A4GALT: variants seen among roughly 807,000 people sequenced by gnomAD.
A4GALT encodes the protein lactosylceramide 4-alpha-galactosyltransferase.
For missense variants in A4GALT, 512 were observed against 486.0 expected, an observed-to-expected ratio of 1.05 and a Z score of -0.50; for synonymous variants, 257 against 220.7, an observed-to-expected ratio of 1.16 and a Z score of -1.46.
chr22:42,708,545 A>AAGGAAGGAAGGAAGGAAG (rs1555887808), intron 1 of A4GALT, among the ~76,000 whole-genome samples: 4 of 116,498 alleles, frequency 3.4e-5, no homozygotes, highest in African/African-American at 1.3e-4. Context: ...GAGGAAAGAG[A>AAGGAAGGAAGGAAGGAAG]GAAGGAAGGA....
intron 1 of A4GALT, among the ~76,000 whole-genome samples, chr22:42,714,018 A>G (rs1305618249): frequency 3.3e-5 from 5 of 151,008 alleles, no homozygotes; most frequent in Non-Finnish European, 7.4e-5. Flanking sequence ...GAGGCCAGGC[A>G]CAGTGGCGCA....
rs28915389 is a variant in A4GALT, at chr22:42,692,397, G to A, written c.*493C>T. On this transcript the variant is annotated 3_prime_UTR_variant, in exon 3 of 3. Coordinates refer to ENST00000642412, the MANE Select transcript of A4GALT (RefSeq NM_017436.7). The surrounding 1 kb of genome is among the most constrained non-coding windows in gnomAD (Gnocchi z 4.6). ...CCTGTTGACCTCCCCCACCCCCCGC[G>A]AAAGAGGAACCAAAACCAGAAAAGA... The A allele has an allele frequency of 2.9e-3, 772 of 267,088 alleles. 6 individuals carry two copies. The highest frequency in any genetic ancestry group is 0.017 in the African/African-American group (739 of 43,990). 16.5% of individuals were successfully genotyped at this position (267,088 alleles called of 1,614,324 possible).
intron 1 of A4GALT, chr22:42,718,228 A>G (rs1922363991): frequency 6.6e-6 from 1 of 152,216 alleles, no homozygotes; most frequent in African/African-American, 2.4e-5. Flanking sequence ...TATAGACAAG[A>G]TATGCAAATA....
rs776608251 is a variant in A4GALT, at chr22:42,692,782, C to G, written c.*108G>C. ...AGCTCCTCAACAGCCTGCCTAAGCCCGGTGGCAGCTCGGGCCTCCCTCTCC... is the reference window on the plus strand; with the variant it reads ...AGCTCCTCAACAGCCTGCCTAAGCCGGGTGGCAGCTCGGGCCTCCCTCTCC... On this transcript the variant is annotated 3_prime_UTR_variant, in exon 3 of 3. Transcript: ENST00000642412. This position sits in a 1 kb window ranked among gnomAD's most constrained non-coding sequence, Gnocchi z 4.6. The G allele has an allele frequency of 3.0e-6, 4 of 1,340,540 alleles. No individual in the cohort carries two copies. The highest frequency in any genetic ancestry group is 4.2e-6 in the Non-Finnish European group (4 of 960,552). 83.0% of individuals were successfully genotyped at this position (1,340,540 alleles called of 1,614,324 possible).
rs1930741548 is a variant in A4GALT, at chr22:42,694,075, C to A, written c.-46-78G>T. 3.3e-6 allele frequency: 3 copies of A among 901,890 alleles called. No homozygotes were observed. In the South Asian group the frequency reaches 4.7e-5, roughly 14 times the overall value. The allele number at this position is 901,890 out of a possible 1,614,324, so 55.9% of individuals were successfully genotyped here. Reference sequence around the variant, plus strand: ...CAAGGAAAACGCTTCCTGTGAACATCAGCCAGAGCCAAGGCTGGCTTCCAA... The same window carrying A: ...CAAGGAAAACGCTTCCTGTGAACATAAGCCAGAGCCAAGGCTGGCTTCCAA... On this transcript the variant is annotated intron_variant, in intron 2 of 2. Coordinates refer to ENST00000642412, the MANE Select transcript of A4GALT (RefSeq NM_017436.7).
At chr22:42,704,283 C>T (rs2146996955) in intron 1 of A4GALT, among the ~76,000 whole-genome samples, 1 of 152,172 alleles carries the variant, frequency 6.6e-6, no homozygotes, top group South Asian at 2.1e-4. Flanking sequence ...GAGTTCAAGA[C>T]TAGCCTGCCC....
intron 1 of A4GALT, among the ~76,000 whole-genome samples, chr22:42,702,409 C>T (rs987526774): frequency 2.6e-5 from 4 of 150,950 alleles, no homozygotes; most frequent in African/African-American, 4.9e-5. Context: ...GGTGCGATCT[C>T]GGCTCACTGC....
Position 42,702,647 on chromosome 22 carries a change from CTT to C in A4GALT, c.-187-7018_-187-7017del, listed in dbSNP as rs201695277. ...CCGCCGTGTCCGGCTGAAACACACT[CTT>C]TACCCCCAACTGGCATGGGAGCCCC... On this transcript the variant is annotated intron_variant, in intron 1 of 2. Coordinates refer to ENST00000642412, the MANE Select transcript of A4GALT (RefSeq NM_017436.7). Among the ~76,000 whole-genome samples, 643 of 145,508 alleles carry C rather than the reference CTT, an allele frequency of 4.4e-3. 29 individuals are homozygous for C. The highest frequency in any genetic ancestry group is 0.013 in the African/African-American group (447 of 35,332).
At chr22:42,703,319 G>C (rs1265413335) in intron 1 of A4GALT, among the ~76,000 whole-genome samples, 2 of 145,898 alleles carry the variant, frequency 1.4e-5, no homozygotes, top group Non-Finnish European at 3.0e-5. Context: ...GCAGTGGCAC[G>C]ATCTCAGCTC....
At chr22:42,694,340 C>A (rs1184283336) in intron 2 of A4GALT, among the ~76,000 whole-genome samples, 2 of 152,270 alleles carry the variant, frequency 1.3e-5, no homozygotes, top group Non-Finnish European at 2.9e-5. Context: ...GATGGCTTCG[C>A]CATGTGACAC....
In A4GALT at chr22:42,692,854, T is replaced by G; in HGVS notation, c.*36A>C. 1 of 1,595,120 alleles carries G rather than the reference T, an allele frequency of 6.3e-7. No homozygotes were observed. Among genetic ancestry groups the G allele is most frequent in the Non-Finnish European group, 8.5e-7 (1 of 1,176,696 alleles). ...CCGGGAAGGGCGGCCCAGTGCCCCA[T>G]CAGGAGCAGGTTGGGGAGGTGACCT... On this transcript the variant is annotated 3_prime_UTR_variant, in exon 3 of 3. Coordinates refer to ENST00000642412, the MANE Select transcript of A4GALT (RefSeq NM_017436.7). The surrounding 1 kb of genome is among the most constrained non-coding windows in gnomAD (Gnocchi z 4.6).
chr22:42,693,326 C>A lies in A4GALT; in HGVS notation c.626G>T (p.Gly209Val), dbSNP rs759801808. Residue 209 changes from glycine (G) to valine (V), a missense_variant, in exon 3 of 3, where the codon GGC (glycine) becomes GTC (valine). Coordinates refer to ENST00000642412, the MANE Select transcript of A4GALT (RefSeq NM_017436.7). ...KNLRNLTNVL[G>V]TQSRYVLNGA... ...GTTGAGGACGTAGCGGGACTGGGTG[C>A]CCAGCACGTTGGTCAGGTTCCGCAG... 1.9e-6 allele frequency: 3 copies of A among 1,613,150 alleles called. No individual in the cohort carries two copies. In the South Asian group the frequency reaches 3.3e-5, roughly 18 times the overall value.
chr22:42,707,979 T>C (rs965103011), intron 1 of A4GALT, among the ~76,000 whole-genome samples: 5 of 134,656 alleles, frequency 3.7e-5, no homozygotes, highest in Non-Finnish European at 4.8e-5. Flanking sequence ...AAAGGCTGGG[T>C]GCGGTGGCTC....
In A4GALT at chr22:42,718,813, A is replaced by T. The variant is rs117328896; in HGVS notation, c.-188+1984T>A. On this transcript the variant is annotated intron_variant, in intron 1 of 2. Transcript: ENST00000642412. ...AGCCAATGAAAATGCAGGGTGATCA[A>T]CAGGAGTTTGTGAGCACGCCTAGCA... Among the ~76,000 whole-genome samples the T allele has an allele frequency of 9.2e-5, 14 of 152,306 alleles. No individual in the cohort carries two copies. In the East Asian group the frequency reaches 2.3e-3, roughly 25 times the overall value.
At position 42,693,184 on chromosome 22, in the gene A4GALT, C is replaced by A; in HGVS notation, c.768G>T (p.Arg256=). The part of the protein sequence containing the change: ...WGHQGPQLLT[R]VFKKWCSIRS... ...GGATGGAACACCACTTCTTGAAGAC[C>A]CGCGTGAGCAGCTGCGGGCCCTGGT... Residue 256 remains arginine (R), a synonymous_variant, in exon 3 of 3, where the codon CGG becomes CGT. Coordinates refer to ENST00000642412, the MANE Select transcript of A4GALT (RefSeq NM_017436.7). The A allele has an allele frequency of 6.3e-7, 1 of 1,598,518 alleles. No homozygotes were observed. The highest frequency in any genetic ancestry group is 1.3e-5 in the African/African-American group (1 of 74,668).
At chr22:42,720,385 G>A (rs1454960293) in intron 1 of A4GALT, among the ~76,000 whole-genome samples, 2 of 152,096 alleles carry the variant, frequency 1.3e-5, no homozygotes, top group Non-Finnish European at 2.9e-5. Context: ...ACCGCCCGAC[G>A]CCCAGGCTTC....
chr22:42,696,006 C>T (rs1017952372), intron 1 of A4GALT, among the ~76,000 whole-genome samples: 1 of 151,524 alleles, frequency 6.6e-6, no homozygotes, highest in Non-Finnish European at 1.5e-5. Context: ...GCCTGTAATC[C>T]CAGCTACTCA....
At chr22:42,714,200 A>G (rs1038339326) in intron 1 of A4GALT, among the ~76,000 whole-genome samples, 7 of 143,892 alleles carry the variant, frequency 4.9e-5, no homozygotes, top group African/African-American at 1.8e-4. Flanking sequence ...GCGTGAGCCC[A>G]GAAGGCTGAG....
chr22:42,710,608 G>A (rs1921596062), intron 1 of A4GALT, among the ~76,000 whole-genome samples: 1 of 151,980 alleles, frequency 6.6e-6, no homozygotes, highest in Non-Finnish European at 1.5e-5. Context: ...GAGGTGGGAG[G>A]ATAGTTTGAG....
Sources: gnomAD v4.1 joint callset for allele counts (sites outside exome capture counted in the v4.1 genomes callset) on GRCh38, gnomAD v4.1.1 for gene constraint, Gnocchi (gnomAD v3.1) non-coding constraint, MANE v1.5 for transcripts, NCBI Gene and HGNC (gene_info 2026-07-23, HGNC 2026-07-21) for gene names.